The following CRB3 variants were observed in gnomAD, a reference collection of about 807,000 sequenced individuals.
The protein encoded by CRB3 is crumbs cell polarity complex component 3, also known as protein crumbs homolog 3.
CRB3 carries 4 observed loss-of-function variants against 10.4 expected under a neutral mutation model. The observed-to-expected ratio is 0.39, with a 90% CI of 0.19 to 0.88. CRB3 has a LOEUF of 0.88. Among genes scored for constraint, CRB3 ranks in the 40% least tolerant of loss-of-function variants. CRB3 has a pLI of 0.39. For missense variants in CRB3, 154 were observed against 160.2 expected (o/e 0.96, Z 0.21); for synonymous variants, 74 against 73.4 (o/e 1.01, Z -0.04).
Position 6,464,400 on chromosome 19 carries a change from T to A in CRB3, c.-95+50T>A, listed in dbSNP as rs1049986713. 3.0e-5 allele frequency: 9 copies of A among 297,512 alleles called. No homozygotes were observed. The highest frequency in any genetic ancestry group is 5.2e-5 in the Admixed American group (1 of 19,318). The allele number at this position is 297,512 out of a possible 1,614,324, so 18.4% of individuals were successfully genotyped here. On this transcript the variant is annotated intron_variant, in intron 1 of 3. Transcript: ENST00000600229. The surrounding 1 kb of genome is among the most constrained non-coding windows in gnomAD (Gnocchi z 5.3). ...GGCCTGCCCCCTCGCCCGTCCACCC[T>A]GCCCGTCCCGTCCCGTCCCGTCCCG...
Position 6,465,056 on chromosome 19 carries a change from T to C in CRB3, c.82+273T>C. 1.3e-5 allele frequency: 4 copies of C among 308,668 alleles called. 1 individual carries two copies. Among genetic ancestry groups the C allele is most frequent in the Non-Finnish European group, 2.4e-5 (4 of 169,956 alleles). The allele number at this position is 308,668 out of a possible 1,614,324, so 19.1% of individuals were successfully genotyped here. ...TGGAGTGGGGGCTCCTAAGTAGGACTTGGGGGGAGGTAAGGGCTGCGTACC... is the reference window on the plus strand; with the variant it reads ...TGGAGTGGGGGCTCCTAAGTAGGACCTGGGGGGAGGTAAGGGCTGCGTACC... On this transcript the variant is annotated intron_variant, in intron 2 of 3. Transcript: ENST00000600229.
At position 6,466,881 on chromosome 19, in the gene CRB3, C is replaced by T. The variant is rs2092797666; in HGVS notation, c.*209C>T. ...AGGGTGCTGGGGCTCGGGACCCACCCCCCTGCTTGCGGAACCAACTTTTCT... is the reference window on the plus strand; with the variant it reads ...AGGGTGCTGGGGCTCGGGACCCACCTCCCTGCTTGCGGAACCAACTTTTCT... On this transcript the variant is annotated 3_prime_UTR_variant, in exon 4 of 4. Coordinates refer to ENST00000600229, the MANE Select transcript of CRB3 (RefSeq NM_139161.5). The surrounding 1 kb of genome is among the most constrained non-coding windows in gnomAD (Gnocchi z 4.9). The T allele has an allele frequency of 1.3e-6, 2 of 1,584,170 alleles. No individual in the cohort carries two copies. The highest frequency in any genetic ancestry group is 2.7e-5 in the African/African-American group (2 of 74,276).
At chr19:6,465,273 C>G (rs2092788677) in intron 2 of CRB3, 1 of 475,958 alleles carries the variant, frequency 2.1e-6, no homozygotes, top group African/African-American at 2.0e-5. Flanking sequence ...CCTTAAGGGC[C>G]CAGGGCCGAG....
In CRB3 at chr19:6,466,891, C is replaced by T. The variant is rs918058451; in HGVS notation, c.*219C>T. The stretch of plus-strand genomic sequence containing the variant: ...GGCTCGGGACCCACCCCCCTGCTTG[C>T]GGAACCAACTTTTCTCTGTGTGTCC... On this transcript the variant is annotated 3_prime_UTR_variant, in exon 4 of 4. Transcript: ENST00000600229. This position sits in a 1 kb window ranked among gnomAD's most constrained non-coding sequence, Gnocchi z 4.9. The T allele has an allele frequency of 1.6e-5, 26 of 1,588,846 alleles. No homozygotes were observed. Among genetic ancestry groups the T allele is most frequent in the South Asian group, 3.4e-5 (3 of 88,278 alleles).
Position 6,466,923 on chromosome 19 carries a change from C to A in CRB3, c.*251C>A. ...AACTTTTCTCTGTGTGTCCAGCAGG[C>A]CCCACAACCCCCTCTCCTTTCTTTC... On this transcript the variant is annotated 3_prime_UTR_variant, in exon 4 of 4. Transcript: ENST00000600229. The surrounding 1 kb of genome is among the most constrained non-coding windows in gnomAD (Gnocchi z 4.9). 2 of 1,608,482 alleles carry A rather than the reference C, an allele frequency of 1.2e-6. No homozygotes were observed. Among genetic ancestry groups the A allele is most frequent in the African/African-American group, 2.7e-5 (2 of 74,746 alleles).
chr19:6,467,146 G>A lies in CRB3; in HGVS notation c.*474G>A, dbSNP rs2092799726. The A allele has an allele frequency of 1.2e-6, 1 of 815,840 alleles. No individual in the cohort carries two copies. The highest frequency in any genetic ancestry group is 2.5e-5 in the East Asian group (1 of 39,930). The allele number at this position is 815,840 out of a possible 1,614,324, so 50.5% of individuals were successfully genotyped here. ...GGGAAGAAGGTACTTCAAAGACTCT[G>A]CCCCTGAGGTCAAGAGAGGATGGGG... On this transcript the variant is annotated 3_prime_UTR_variant, in exon 4 of 4. Coordinates refer to ENST00000600229, the MANE Select transcript of CRB3 (RefSeq NM_139161.5).
Position 6,465,585 on chromosome 19 carries a change from T to C in CRB3, c.123T>C (p.Pro41=). The C allele has an allele frequency of 1.9e-6, 3 of 1,614,050 alleles. No homozygotes were observed. The highest frequency in any genetic ancestry group is 2.5e-6 in the Non-Finnish European group (3 of 1,179,940). Residue 41 remains proline (P), a synonymous_variant, in exon 3 of 4, where the codon CCT becomes CCC. Coordinates refer to ENST00000600229, the MANE Select transcript of CRB3 (RefSeq NM_139161.5). Reference sequence around the variant, plus strand: ...CAAATGAGAATAGCACTGTTTTGCCTTCATCCACCAGCTCCAGCTCCGATG... The same window carrying C: ...CAAATGAGAATAGCACTGTTTTGCCCTCATCCACCAGCTCCAGCTCCGATG... ...TSANENSTVL[P]SSTSSSSDGN...
Position 6,464,858 on chromosome 19 carries a change from C to A in CRB3, c.82+75C>A. ...CTCTGCTGGGGACGTGGCTTAGAAG[C>A]GCTGGGTATCTGGGGCGCAGAGAGG... On this transcript the variant is annotated intron_variant, in intron 2 of 3. Coordinates refer to ENST00000600229, the MANE Select transcript of CRB3 (RefSeq NM_139161.5). This position sits in a 1 kb window ranked among gnomAD's most constrained non-coding sequence, Gnocchi z 5.3. 2.3e-6 allele frequency: 2 copies of A among 875,462 alleles called. No individual in the cohort carries two copies. Among genetic ancestry groups the A allele is most frequent in the Non-Finnish European group, 3.0e-6 (2 of 660,726 alleles). The allele number at this position is 875,462 out of a possible 1,614,324, so 54.2% of individuals were successfully genotyped here.
rs750968180 is a variant in CRB3 at position 6,467,028 on chromosome 19, C to T, written c.*356C>T. The T allele has an allele frequency of 3.3e-5, 54 of 1,612,968 alleles. No homozygotes were observed. Among genetic ancestry groups the T allele is most frequent in the Non-Finnish European group, 4.1e-5 (48 of 1,179,190 alleles). On this transcript the variant is annotated 3_prime_UTR_variant, in exon 4 of 4. Transcript: ENST00000600229. ...AGGGCTGCCTGCCCATCTAGGTCCC[C>T]TCTCCTGCATCTGTCTCCCTTCATT...
Position 6,466,991 on chromosome 19 carries a change from A to G in CRB3, c.*319A>G, listed in dbSNP as rs2145164532. 4 of 1,614,038 alleles carry G rather than the reference A, an allele frequency of 2.5e-6. No individual in the cohort carries two copies. In the South Asian group the frequency reaches 4.4e-5, roughly 18 times the overall value. On this transcript the variant is annotated 3_prime_UTR_variant, in exon 4 of 4. Transcript: ENST00000600229. The surrounding 1 kb of genome is among the most constrained non-coding windows in gnomAD (Gnocchi z 4.9). ...GAGGCCCGGGCCCCTCAGGACTCCAAGGAGACGGTGCAGGGCTGCCTGCCC... is the reference window on the plus strand; with the variant it reads ...GAGGCCCGGGCCCCTCAGGACTCCAGGGAGACGGTGCAGGGCTGCCTGCCC...
At chr19:6,465,871 G>T (rs1398605253) in intron 3 of CRB3, among the ~76,000 whole-genome samples, 1 of 152,112 alleles carries the variant, frequency 6.6e-6, no homozygotes, top group Non-Finnish European at 1.5e-5. Flanking sequence ...AGGTGGGTGG[G>T]GGAGCAAGGA....
In CRB3 at chr19:6,465,599, C is replaced by G. The variant is rs974603473; in HGVS notation, c.137C>G (p.Ser46Cys). The G allele has an allele frequency of 6.2e-7, 1 of 1,613,936 alleles. No homozygotes were observed. The highest frequency in any genetic ancestry group is 8.5e-7 in the Non-Finnish European group (1 of 1,179,834). The change falls in exon 3 of 4, where the codon TCC becomes TGC. Residue 46 changes from serine (S) to cysteine (C), a missense_variant. By Grantham distance (112) the Ser-to-Cys change is moderately radical. Coordinates refer to ENST00000600229, the MANE Select transcript of CRB3 (RefSeq NM_139161.5). ...NSTVLPSSTS[S>C]SSDGNLRPEA... ...ACTGTTTTGCCTTCATCCACCAGCT[C>G]CAGCTCCGATGGCAACCTGGTGAGT...
At chr19:6,465,014 G>A (rs1372840343) in intron 2 of CRB3, 1 of 380,616 alleles carries the variant, frequency 2.6e-6, no homozygotes, top group Non-Finnish European at 4.6e-6. Context: ...GTTCCCCAGC[G>A]AGGTGGAATT....
rs2092799580 is a variant in CRB3 at position 6,467,130 on chromosome 19, G to T, written c.*458G>T. 4 of 953,226 alleles carry T rather than the reference G, an allele frequency of 4.2e-6. No individual in the cohort carries two copies. The highest frequency in any genetic ancestry group is 6.5e-6 in the Non-Finnish European group (4 of 617,144). The allele number at this position is 953,226 out of a possible 1,614,324, so 59.0% of individuals were successfully genotyped here. ...CCAGTGCTTAATAGCAGGGAAGAAG[G>T]TACTTCAAAGACTCTGCCCCTGAGG... On this transcript the variant is annotated 3_prime_UTR_variant, in exon 4 of 4. Transcript: ENST00000600229.
rs1378671410 is a variant in CRB3 at position 6,464,291 on chromosome 19, A to C, written c.-154A>C. The stretch of plus-strand genomic sequence containing the variant: ...GACCCACAGAACGACCGACGGACCG[A>C]GGGTTCGAGGGAGGGACACGGACCA... On this transcript the variant is annotated 5_prime_UTR_variant, in exon 1 of 4. Transcript: ENST00000600229. The surrounding 1 kb of genome is among the most constrained non-coding windows in gnomAD (Gnocchi z 5.3). The C allele has an allele frequency of 6.1e-6, 1 of 163,188 alleles. No individual in the cohort carries two copies. The highest frequency in any genetic ancestry group is 1.3e-5 in the Non-Finnish European group (1 of 75,722). 10.1% of individuals were successfully genotyped at this position (163,188 alleles called of 1,614,324 possible). A position where few individuals can be genotyped will look rare whatever the true frequency, so the allele number is the denominator to read the frequency against.
At chr19:6,465,134 G>T (rs1379883400) in intron 2 of CRB3, 3 of 287,358 alleles carry the variant, frequency 1.0e-5, no homozygotes, top group Admixed American at 4.9e-5. Context: ...CTGGGAGGAG[G>T]CCTGCCGAGC....
At position 6,466,648 on chromosome 19, in the gene CRB3, G is replaced by C; in HGVS notation, c.339G>C (p.Leu113Phe). Residue 113 changes from leucine (L) to phenylalanine (F), a missense_variant, in exon 4 of 4, where the codon TTG becomes TTC. By Grantham distance (22) the Leu-to-Phe change is conservative (BLOSUM62 0). Transcript: ENST00000600229. The surrounding 1 kb of genome is among the most constrained non-coding windows in gnomAD (Gnocchi z 4.9). ...TGCCACCGACCCCCAACCTCAAGTT[G>C]CCGCCGGAAGAGCGGCTCATCTGAA... The part of the protein sequence containing the change: ...ARVPPTPNLK[L>F]PPEERLI 1 of 1,601,994 alleles carries C rather than the reference G, an allele frequency of 6.2e-7. No individual in the cohort carries two copies. The highest frequency in any genetic ancestry group is 1.1e-5 in the South Asian group (1 of 91,018).
intron 3 of CRB3, 141 bp downstream of exon 3, chr19:6,465,759 GA>G: frequency 1.3e-6 from 1 of 743,358 alleles, no homozygotes; most frequent in Non-Finnish European, 2.4e-6. Flanking sequence ...AAGTAGGAGA[GA>G]CCTGAAGTCT....
Position 6,466,835 on chromosome 19 carries a change from G to A in CRB3, c.*163G>A. On this transcript the variant is annotated 3_prime_UTR_variant, in exon 4 of 4. Transcript: ENST00000600229. The surrounding 1 kb of genome is among the most constrained non-coding windows in gnomAD (Gnocchi z 4.9). ...GGGCTCTGTGCAGCATGTTGCCTCT[G>A]CTTGGCTGTGCCTGCAGCTCAGGGT... 3 of 1,558,480 alleles carry A rather than the reference G, an allele frequency of 1.9e-6. No homozygotes were observed. The highest frequency in any genetic ancestry group is 2.6e-6 in the Non-Finnish European group (3 of 1,150,618).
Sources: gnomAD v4.1 joint callset for allele counts (sites outside exome capture counted in the v4.1 genomes callset) on GRCh38, gnomAD v4.1.1 for gene constraint, Gnocchi (gnomAD v3.1) non-coding constraint, MANE v1.5 for transcripts, NCBI Gene and HGNC (gene_info 2026-07-23, HGNC 2026-07-21) for gene names.